Variants in ACOT7 observed in about 807,000 individuals in gnomAD.
ACOT7 encodes acyl-CoA thioesterase 7.
A neutral mutation model predicts 40.2 loss-of-function variants in ACOT7; 12 were observed. That is an observed-to-expected ratio of 0.30 (90% confidence interval 0.19 to 0.48). The LOEUF (loss-of-function observed/expected upper bound fraction) is 0.48. Among genes scored for constraint, ACOT7 ranks in the 20% least tolerant of loss-of-function variants. The pLI, the probability that ACOT7 is intolerant of heterozygous loss-of-function variation, is 0.99. For synonymous variants in ACOT7, 228 were observed against 219.5 expected (o/e 1.04, Z -0.34); for missense variants, 395 against 530.8 (o/e 0.74, Z 2.51).
At chr1:6,319,547 A>G (rs6696861) in intron 5 of ACOT7, among the ~76,000 whole-genome samples, 14,857 of 152,246 alleles carry the variant, frequency 0.098, 1,860 homozygotes, top group African/African-American at 0.29. Context: ...TGTCTGACAA[A>G]AGAAAATGGA....
intron 1 of ACOT7, among the ~76,000 whole-genome samples, chr1:6,391,096 G>A (rs960203268): frequency 2.0e-5 from 3 of 152,128 alleles, no homozygotes; most frequent in East Asian, 3.8e-4. Flanking sequence ...AGGAGTTCAA[G>A]ACCAGCCTGG....
At chr1:6,391,606 C>T (rs1179077898) in intron 1 of ACOT7, among the ~76,000 whole-genome samples, 8 of 152,208 alleles carry the variant, frequency 5.3e-5, no homozygotes, top group Admixed American at 5.2e-4. Context: ...AAAGGCCAGC[C>T]TTCCACGGGA....
intron 1 of ACOT7, among the ~76,000 whole-genome samples, chr1:6,384,521 C>T (rs1372174134): frequency 6.6e-6 from 1 of 151,908 alleles, no homozygotes. Context: ...GCTGTTTTTA[C>T]TCATGCTTTT....
intron 6 of ACOT7, among the ~76,000 whole-genome samples, chr1:6,317,698 C>A (rs1640531348): frequency 6.6e-6 from 1 of 151,416 alleles, no homozygotes; most frequent in South Asian, 2.1e-4. Flanking sequence ...ATTTTTATCA[C>A]CAATTTGAAA....
chr1:6,391,712 C>T (rs1270133695), intron 1 of ACOT7, among the ~76,000 whole-genome samples: 2 of 152,170 alleles, frequency 1.3e-5, no homozygotes, highest in Non-Finnish European at 2.9e-5. Context: ...CCTGGATCTC[C>T]TGGAGCAGGA....
chr1:6,375,072 T>C (rs1642200941), intron 1 of ACOT7, among the ~76,000 whole-genome samples: 1 of 145,988 alleles, frequency 6.8e-6, no homozygotes, highest in Non-Finnish European at 1.5e-5. Context: ...GATCAGGAGA[T>C]AGAGACCATC....
At chr1:6,304,628 T>C (rs1640071709) in intron 6 of ACOT7, among the ~76,000 whole-genome samples, 1 of 134,960 alleles carries the variant, frequency 7.4e-6, no homozygotes, top group Non-Finnish European at 1.6e-5. Flanking sequence ...AGCATCTGTT[T>C]AACAAAGCAC....
rs1025957181 is a variant in ACOT7, at chr1:6,311,503, C to T, written c.712+6989G>A. Among the ~76,000 whole-genome samples the T allele has an allele frequency of 2.6e-5, 4 of 152,212 alleles. No individual in the cohort carries two copies. The highest frequency in any genetic ancestry group is 9.7e-5 in the African/African-American group (4 of 41,446). ...CGGTCCAGGGCAGGGCTGGAGCTGC[C>T]GCTGTCCGCAAGGTTCAATCTGCCC... On this transcript the variant is annotated intron_variant, in intron 6 of 8. Transcript: ENST00000361521. This position sits in a 1 kb window ranked among gnomAD's most constrained non-coding sequence, Gnocchi z 5.2.
At chr1:6,284,576 CAAAAAAAAAAA>C (rs561943319) in intron 7 of ACOT7, among the ~76,000 whole-genome samples, 2 of 57,980 alleles carry the variant, frequency 3.4e-5, no homozygotes, top group Non-Finnish European at 3.4e-5. Flanking sequence ...AACTCCATCT[CAAAAAAAAAAA>C]AAAAAAAAAA....
Position 6,284,069 on chromosome 1 carries a change from C to T in ACOT7, c.830-2783G>A, listed in dbSNP as rs1251142245. Among the ~76,000 whole-genome samples, 5 of 152,300 alleles carry T rather than the reference C, an allele frequency of 3.3e-5. No homozygotes were observed. The East Asian group carries it at 5.8e-4, about 18-fold the overall frequency. The stretch of plus-strand genomic sequence containing the variant: ...TAATTTGAAACCTAGGGTTGACAGA[C>T]GAATCACAAGTCCCAGTCACCAAGA... On this transcript the variant is annotated intron_variant, in intron 7 of 8. Transcript: ENST00000361521.
chr1:6,282,663 G>C lies in ACOT7; in HGVS notation c.830-1377C>G. 8.0e-7 allele frequency: 1 copy of C among 1,255,314 alleles called. No homozygotes were observed. The highest frequency in any genetic ancestry group is 1.1e-6 in the Non-Finnish European group (1 of 945,484). 77.8% of individuals were successfully genotyped at this position (1,255,314 alleles called of 1,614,324 possible). ...GGCGGTTAGCAGGCCAGAGGCAAGA[G>C]CGGTTATTCCATGTTAAAAAGTATC... On this transcript the variant is annotated intron_variant, in intron 7 of 8. Coordinates refer to ENST00000361521, the MANE Select transcript of ACOT7 (RefSeq NM_007274.4). The surrounding 1 kb of genome is among the most constrained non-coding windows in gnomAD (Gnocchi z 4.5).
chr1:6,307,363 C>T (rs926595122), intron 6 of ACOT7, among the ~76,000 whole-genome samples: 10 of 152,252 alleles, frequency 6.6e-5, no homozygotes, highest in African/African-American at 2.2e-4. Flanking sequence ...TCCAGTCATT[C>T]AGCTACTGAG....
intron 5 of ACOT7, 77 bp downstream of exon 5, chr1:6,327,222 G>A (rs1170600663): frequency 4.7e-5 from 68 of 1,439,778 alleles, no homozygotes; most frequent in Non-Finnish European, 6.6e-5. Context: ...TGAGGCTCAC[G>A]TAGGCCCGGC....
chr1:6,364,366 A>AC (rs1244856311), intron 1 of ACOT7, among the ~76,000 whole-genome samples: 2 of 148,276 alleles, frequency 1.3e-5, no homozygotes, highest in East Asian at 4.0e-4. Flanking sequence ...ACATGGAAAA[A>AC]CCCCATCTCT....
At chr1:6,362,425 C>T (rs1298277498) in intron 1 of ACOT7, among the ~76,000 whole-genome samples, 6 of 149,528 alleles carry the variant, frequency 4.0e-5, no homozygotes, top group Non-Finnish European at 7.4e-5. Context: ...AGTGAAACTC[C>T]GTCTCAAAAA....
chr1:6,358,675 C>T lies in ACOT7; in HGVS notation c.144-8809G>A, dbSNP rs1641816511. On this transcript the variant is annotated intron_variant, in intron 1 of 8. Coordinates refer to ENST00000361521, the MANE Select transcript of ACOT7 (RefSeq NM_007274.4). The surrounding 1 kb of genome is among the most constrained non-coding windows in gnomAD (Gnocchi z 4.1). ...CAGTAAGAGCCAGGCCAGGTGGGTG[C>T]CCTACTGCCCTTCCTGGCTGCATGA... 2.7e-6 allele frequency: 2 copies of T among 740,568 alleles called. No homozygotes were observed. Among genetic ancestry groups the T allele is most frequent in the Non-Finnish European group, 4.5e-6 (2 of 442,770 alleles). The allele number at this position is 740,568 out of a possible 1,614,324, so 45.9% of individuals were successfully genotyped here.
intron 8 of ACOT7, among the ~76,000 whole-genome samples, chr1:6,267,537 G>T (rs958292959): frequency 6.6e-6 from 1 of 152,256 alleles, no homozygotes; most frequent in Non-Finnish European, 1.5e-5. Flanking sequence ...ACTGGGAGAT[G>T]ATGCCTCTCT....
At chr1:6,374,890 C>T (rs988103027) in intron 1 of ACOT7, among the ~76,000 whole-genome samples, 1 of 152,202 alleles carries the variant, frequency 6.6e-6, no homozygotes, top group African/African-American at 2.4e-5. Flanking sequence ...CTGCTGAAAA[C>T]GATGGCTTCC....
chr1:6,323,884 C>G (rs576071774), intron 5 of ACOT7, among the ~76,000 whole-genome samples: 2 of 151,652 alleles, frequency 1.3e-5, no homozygotes, highest in African/African-American at 4.8e-5. Flanking sequence ...AGTCTGAACT[C>G]TTGCTCTAGG....
Sources: gnomAD v4.1 joint callset for allele counts (sites outside exome capture counted in the v4.1 genomes callset) on GRCh38, gnomAD v4.1.1 for gene constraint, Gnocchi (gnomAD v3.1) non-coding constraint, MANE v1.5 for transcripts, NCBI Gene and HGNC (gene_info 2026-07-23, HGNC 2026-07-21) for gene names.